RIN2: variants seen among roughly 807,000 people sequenced by gnomAD.
The protein encoded by RIN2 is Ras and Rab interactor 2, also known as RAB5 interacting protein 2.
A neutral mutation model predicts 78.0 loss-of-function variants in RIN2; 36 were observed. The ratio of observed to expected loss-of-function variants is 0.46; its 90% confidence interval spans 0.35 to 0.61. RIN2 has a LOEUF of 0.61. Among genes scored for constraint, RIN2 ranks in the 20% least tolerant of loss-of-function variants. RIN2 has a pLI of 0.00. For synonymous variants in RIN2, 466 were observed against 466.8 expected (o/e 1.00, Z 0.02); for missense variants, 1,087 against 1,159.7 (o/e 0.94, Z 0.91).
chr20:19,951,102 C>T lies in RIN2; in HGVS notation c.159-5513C>T, dbSNP rs889274876. On this transcript the variant is annotated intron_variant, in intron 4 of 12. Coordinates refer to ENST00000255006, the MANE Select transcript of RIN2 (RefSeq NM_018993.4). ...AGAGACTGGGTTTTGCCATGTTGCC[C>T]GGGCTGGCCTCAAACTCCTGAGGTC... Among the ~76,000 whole-genome samples, 17 of 152,086 alleles carry T rather than the reference C, an allele frequency of 1.1e-4. 1 individual carries two copies. Among genetic ancestry groups the T allele is most frequent in the Admixed American group, 5.9e-4 (9 of 15,272 alleles).
At chr20:19,936,432 C>T (rs1285594475) in intron 4 of RIN2, among the ~76,000 whole-genome samples, 1 of 152,052 alleles carries the variant, frequency 6.6e-6, no homozygotes, top group Non-Finnish European at 1.5e-5. Flanking sequence ...TATCCTGTGC[C>T]TTGTTGAGCT....
chr20:19,777,547 A>T (rs1031376855), intron 1 of RIN2, among the ~76,000 whole-genome samples: 2 of 152,258 alleles, frequency 1.3e-5, no homozygotes, highest in African/African-American at 4.8e-5. Context: ...CTGTCGCCTC[A>T]TGGTTCCAGG....
chr20:19,955,801 GA>G (rs2041506605), intron 4 of RIN2, among the ~76,000 whole-genome samples: 1 of 152,174 alleles, frequency 6.6e-6, no homozygotes, highest in Non-Finnish European at 1.5e-5. Context: ...TTTGTGAGAA[GA>G]AATAAAATCC....
At chr20:19,898,577 G>A (rs1048635204) in intron 3 of RIN2, among the ~76,000 whole-genome samples, 6 of 152,246 alleles carry the variant, frequency 3.9e-5, no homozygotes, top group African/African-American at 1.4e-4. Context: ...GGCAGTCTGT[G>A]ATAAGTTTGC....
At chr20:19,965,834 A>C (rs2041921180) in intron 7 of RIN2, among the ~76,000 whole-genome samples, 1 of 151,660 alleles carries the variant, frequency 6.6e-6, no homozygotes, top group Admixed American at 6.6e-5. Context: ...CTGGTCTTGA[A>C]CTCCTAACCT....
intron 4 of RIN2, among the ~76,000 whole-genome samples, chr20:19,951,790 T>C (rs1328117002): frequency 6.6e-6 from 1 of 152,184 alleles, no homozygotes; most frequent in African/African-American, 2.4e-5. Context: ...AGGAACCTCA[T>C]GCTTCCTGCC....
At chr20:19,953,232 A>AT in intron 4 of RIN2, among the ~76,000 whole-genome samples, 2 of 150,838 alleles carry the variant, frequency 1.3e-5, no homozygotes, top group African/African-American at 4.9e-5. Context: ...TCCACCTCCC[A>AT]TGTTCAAGGC....
chr20:19,969,401 C>T lies in RIN2; in HGVS notation c.537-1437C>T, dbSNP rs1308486584. ...CACCCCAGGGCCTTTGCACCTGCTGCTCACTCTGCCTGGAAGGTCCTTCCC... is the reference window on the plus strand; with the variant it reads ...CACCCCAGGGCCTTTGCACCTGCTGTTCACTCTGCCTGGAAGGTCCTTCCC... On this transcript the variant is annotated intron_variant, in intron 7 of 12. Transcript: ENST00000255006. Among the ~76,000 whole-genome samples the T allele has an allele frequency of 3.9e-5, 6 of 152,134 alleles. No individual in the cohort carries two copies. The East Asian group carries it at 1.2e-3, about 29-fold the overall frequency.
chr20:19,994,924 T>C (rs944720118), intron 11 of RIN2, among the ~76,000 whole-genome samples: 1 of 152,150 alleles, frequency 6.6e-6, no homozygotes, highest in African/African-American at 2.4e-5. Context: ...TGACATGTGA[T>C]CAATGGAAAG....
chr20:19,857,140 A>G (rs1461073917), intron 2 of RIN2, among the ~76,000 whole-genome samples: 2 of 152,082 alleles, frequency 1.3e-5, no homozygotes, highest in Non-Finnish European at 2.9e-5. Flanking sequence ...GCCTCCCTAA[A>G]CAAGAATACC....
chr20:19,765,834 T>A (rs2033860849), intron 1 of RIN2, among the ~76,000 whole-genome samples: 1 of 152,098 alleles, frequency 6.6e-6, no homozygotes, highest in Admixed American at 6.5e-5. Flanking sequence ...TCTGCTAGAC[T>A]AATGTTGTTG....
intron 1 of RIN2, among the ~76,000 whole-genome samples, chr20:19,796,884 T>C (rs1000544429): frequency 1.2e-4 from 19 of 152,202 alleles, no homozygotes. Flanking sequence ...CTGAGATTGT[T>C]GCAAGGTATG....
At chr20:19,891,784 G>A (rs969735185) in intron 3 of RIN2, among the ~76,000 whole-genome samples, 6 of 151,850 alleles carry the variant, frequency 4.0e-5, no homozygotes, top group African/African-American at 9.7e-5. Context: ...AGCCAACATC[G>A]CACCACTGCA....
At chr20:19,939,483 C>T (rs532861407) in intron 4 of RIN2, among the ~76,000 whole-genome samples, 16 of 152,238 alleles carry the variant, frequency 1.1e-4, no homozygotes, top group Non-Finnish European at 1.6e-4. Flanking sequence ...CCTTTTAGTT[C>T]ACCTAAGTCC....
chr20:19,818,748 GAA>G lies in RIN2; in HGVS notation c.-37+19003_-37+19004del, dbSNP rs1568781203. On this transcript the variant is annotated intron_variant, in intron 2 of 12. Coordinates refer to ENST00000255006, the MANE Select transcript of RIN2 (RefSeq NM_018993.4). ...CTCCGTATCAAAAAAAAAAAAGAAA[GAA>G]AGAGAAAAAAAAAAAGAAAGTAACT... Among the ~76,000 whole-genome samples the G allele has an allele frequency of 8.7e-5, 10 of 115,498 alleles. No homozygotes were observed. The East Asian group carries it at 1.8e-3, about 20-fold the overall frequency. The allele number at this position is 115,498 out of a possible 152,430, so 75.8% of individuals were successfully genotyped here.
At chr20:19,875,008 G>C (rs948726133) in intron 2 of RIN2, among the ~76,000 whole-genome samples, 1 of 150,836 alleles carries the variant, frequency 6.6e-6, no homozygotes, top group East Asian at 1.9e-4. Flanking sequence ...TTACAGGTGG[G>C]TGCCACCATA....
chr20:19,859,109 G>T (rs1355725267), intron 2 of RIN2, among the ~76,000 whole-genome samples: 1 of 152,184 alleles, frequency 6.6e-6, no homozygotes, highest in Non-Finnish European at 1.5e-5. Flanking sequence ...CCTTCCAGGG[G>T]GTCATACTTA....
At chr20:19,946,101 C>T (rs985352268) in intron 4 of RIN2, among the ~76,000 whole-genome samples, 1 of 152,178 alleles carries the variant, frequency 6.6e-6, no homozygotes, top group African/African-American at 2.4e-5. Flanking sequence ...CCTCCTCAGG[C>T]CCCTGGTCAT....
intron 2 of RIN2, among the ~76,000 whole-genome samples, chr20:19,844,054 TGG>T (rs1472943348): frequency 4.1e-4 from 62 of 152,286 alleles, no homozygotes; most frequent in Admixed American, 4.0e-3. Context: ...TTCAATATGA[TGG>T]TAAATCATAT....
Sources: allele counts gnomAD v4.1 joint callset (sites outside exome capture counted in the v4.1 genomes callset), GRCh38; gene constraint gnomAD v4.1.1; transcripts MANE v1.5; gene names NCBI Gene and HGNC (gene_info 2026-07-23, HGNC 2026-07-21).